GABRB3: variants seen among roughly 807,000 people sequenced by gnomAD.
GABRB3 encodes the protein gamma-aminobutyric acid type A receptor subunit beta3.
Under a neutral mutation model 52.1 loss-of-function variants are expected in GABRB3, and 14 were observed. The observed-to-expected ratio is 0.27, with a 90% CI of 0.18 to 0.42. The LOEUF (loss-of-function observed/expected upper bound fraction) is 0.42. Ranked by LOEUF, GABRB3 falls within the 10% of genes least tolerant of loss-of-function variation. The probability of loss-of-function intolerance (pLI) is 1.00; values close to 1 mark genes in which losing one functional copy is unlikely to be tolerated. For missense variants in GABRB3, 307 were observed against 609.1 expected (o/e 0.50, Z 5.22); for synonymous variants, 260 against 232.3 (o/e 1.12, Z -1.08).
intron 3 of GABRB3, among the ~76,000 whole-genome samples, chr15:26,737,549 C>A (rs969605061): frequency 6.6e-6 from 1 of 152,050 alleles, no homozygotes; most frequent in African/African-American, 2.4e-5. Context: ...TAAAGAAGTA[C>A]ACAGAATAAA....
chr15:26,593,432 A>C (rs1275340897), intron 4 of GABRB3, among the ~76,000 whole-genome samples: 2 of 152,294 alleles, frequency 1.3e-5, no homozygotes, highest in East Asian at 3.9e-4. Context: ...TCATCATCTC[A>C]AACAGAAACT....
At chr15:26,592,550 A>G (rs1891245727) in intron 4 of GABRB3, among the ~76,000 whole-genome samples, 1 of 152,222 alleles carries the variant, frequency 6.6e-6, no homozygotes, top group Admixed American at 6.5e-5. Flanking sequence ...GCAAAAGAAC[A>G]TTCTGAAATG....
rs557521499 is a variant in GABRB3 at position 26,547,400 on chromosome 15, G to T, written c.*393C>A. The T allele has an allele frequency of 5.6e-5, 24 of 429,206 alleles. No individual in the cohort carries two copies. Among genetic ancestry groups the T allele is most frequent in the African/African-American group, 4.5e-4 (22 of 49,140 alleles). The allele number at this position is 429,206 out of a possible 1,614,324, so 26.6% of individuals were successfully genotyped here. A position where few individuals can be genotyped will look rare whatever the true frequency, so the allele number is the denominator to read the frequency against. On this transcript the variant is annotated 3_prime_UTR_variant, in exon 9 of 9. Coordinates refer to ENST00000311550, the MANE Select transcript of GABRB3 (RefSeq NM_000814.6). Reference sequence around the variant, plus strand: ...CTTATGATAATACAAGACACATTTGGGGATGATATTGTGTTTCACGCCCTC... The same window carrying T: ...CTTATGATAATACAAGACACATTTGTGGATGATATTGTGTTTCACGCCCTC...
At chr15:26,610,264 A>T (rs145274613) in intron 4 of GABRB3, among the ~76,000 whole-genome samples, 115 of 152,274 alleles carry the variant, frequency 7.6e-4, no homozygotes, top group African/African-American at 2.6e-3. Flanking sequence ...TTGTTGGTTG[A>T]AGGGATGGAT....
chr15:26,764,946 C>T (rs1315094833), intron 3 of GABRB3, among the ~76,000 whole-genome samples: 13 of 151,874 alleles, frequency 8.6e-5, no homozygotes, highest in African/African-American at 2.7e-4. Flanking sequence ...CTGGCTAACA[C>T]GGTGAAAACC....
At chr15:26,569,810 T>G (rs151269036) in intron 6 of GABRB3, among the ~76,000 whole-genome samples, 1 of 152,256 alleles carries the variant, frequency 6.6e-6, no homozygotes, top group Non-Finnish European at 1.5e-5. Context: ...CTCTTATAAA[T>G]AGTTTTTGCT....
chr15:26,621,340 A>T lies in GABRB3; in HGVS notation c.435T>A (p.Pro145=). 1 of 1,613,918 alleles carries T rather than the reference A, an allele frequency of 6.2e-7. No individual in the cohort carries two copies. The highest frequency in any genetic ancestry group is 8.5e-7 in the Non-Finnish European group (1 of 1,180,034). Residue 145 remains proline (P), a synonymous_variant, in exon 4 of 9, where the codon CCT becomes CCA. Coordinates refer to ENST00000311550, the MANE Select transcript of GABRB3 (RefSeq NM_000814.6). The surrounding 1 kb of genome is among the most constrained non-coding windows in gnomAD (Gnocchi z 4.1). ...TGAGCCCATACAGCACTGTCCCATC[A>T]GGGTGAAGACGGATCATGCGGTTTT... ...TVKNRMIRLH[P]DGTVLYGLRI...
At chr15:26,705,830 T>G (rs1033367951) in intron 3 of GABRB3, among the ~76,000 whole-genome samples, 1 of 152,102 alleles carries the variant, frequency 6.6e-6, no homozygotes, top group Non-Finnish European at 1.5e-5. Flanking sequence ...CACCATAGGG[T>G]ATCATTTAAA....
intron 3 of GABRB3, among the ~76,000 whole-genome samples, chr15:26,656,024 T>A (rs1887362186): frequency 6.6e-6 from 1 of 152,230 alleles, no homozygotes; most frequent in African/African-American, 2.4e-5. Flanking sequence ...AGTTTTCCTT[T>A]CTGTTATTTG....
chr15:26,624,183 T>C (rs1892593499), intron 3 of GABRB3: 1 of 984,746 alleles, frequency 1.0e-6, no homozygotes, highest in Non-Finnish European at 1.2e-6. Flanking sequence ...TCACAGGGCA[T>C]ATTCCGCCCC....
At chr15:26,670,089 G>A (rs1201158972) in intron 3 of GABRB3, among the ~76,000 whole-genome samples, 1 of 152,224 alleles carries the variant, frequency 6.6e-6, no homozygotes, top group African/African-American at 2.4e-5. Flanking sequence ...CGAGCGCCCC[G>A]GAGCCTCACC....
At chr15:26,634,374 T>C (rs954137272) in intron 3 of GABRB3, among the ~76,000 whole-genome samples, 1 of 152,052 alleles carries the variant, frequency 6.6e-6, no homozygotes, top group African/African-American at 2.4e-5. Context: ...AGAAGCAATA[T>C]ACCAGCCTCT....
intron 8 of GABRB3, among the ~76,000 whole-genome samples, chr15:26,557,239 GA>G (rs1567101465): frequency 1.3e-5 from 2 of 151,918 alleles, no homozygotes; most frequent in East Asian, 1.9e-4. Context: ...ATGAATGGAC[GA>G]AAAAAAGGAA....
chr15:26,766,820 A>G lies in GABRB3; in HGVS notation c.240+5582T>C, dbSNP rs77328500. 3.5e-3 allele frequency among the ~76,000 whole-genome samples: 538 copies of G among 152,214 alleles called. 10 individuals are homozygous for G. In the East Asian group the frequency reaches 0.08, roughly 23 times the overall value. On this transcript the variant is annotated intron_variant, in intron 3 of 8. Transcript: ENST00000311550. ...CAAACTAAAGACAACATACCATAAG[A>G]TCCTAGAGCCCAGCACGGGCTCAAG... is the stretch of plus-strand genomic sequence containing the variant.
At chr15:26,604,553 T>C (rs950459606) in intron 4 of GABRB3, among the ~76,000 whole-genome samples, 2 of 152,162 alleles carry the variant, frequency 1.3e-5, no homozygotes, top group Non-Finnish European at 1.5e-5. Flanking sequence ...AGAATAGTAC[T>C]GGCATAAAAA....
chr15:26,633,901 C>T (rs142237325), intron 3 of GABRB3, among the ~76,000 whole-genome samples: 8 of 152,286 alleles, frequency 5.3e-5, no homozygotes, highest in Non-Finnish European at 7.3e-5. Context: ...GAGCGTTAGC[C>T]GTCTCTTGGC....
chr15:26,760,730 C>T (rs994333049), intron 3 of GABRB3, among the ~76,000 whole-genome samples: 20 of 151,824 alleles, frequency 1.3e-4, no homozygotes, highest in Non-Finnish European at 1.5e-5. Context: ...TAGATAAGCA[C>T]TGTATTTCGA....
At chr15:26,575,631 G>A (rs1269081508) in intron 6 of GABRB3, among the ~76,000 whole-genome samples, 1 of 152,046 alleles carries the variant, frequency 6.6e-6, no homozygotes, top group African/African-American at 2.4e-5. Flanking sequence ...AAAGCTGAGT[G>A]CATGTATTTA....
At chr15:26,617,994 C>G (rs1308771981) in intron 4 of GABRB3, among the ~76,000 whole-genome samples, 1 of 152,020 alleles carries the variant, frequency 6.6e-6, no homozygotes, top group African/African-American at 2.4e-5. Context: ...AACTACAAAC[C>G]ACTGCTCAAT....
Sources: allele counts gnomAD v4.1 joint callset (sites outside exome capture counted in the v4.1 genomes callset), GRCh38; gene constraint gnomAD v4.1.1; non-coding constraint Gnocchi (gnomAD v3.1); transcripts MANE v1.5; gene names NCBI Gene and HGNC (gene_info 2026-07-23, HGNC 2026-07-21).